The following ARHGEF3 variants were observed in gnomAD, a reference collection of about 807,000 sequenced individuals.
ARHGEF3 encodes Rho guanine nucleotide exchange factor 3, also known as 59.8 kDA protein.
In ARHGEF3, 28 loss-of-function variants were observed where a neutral mutation model predicts 63.2. That is an observed-to-expected ratio of 0.44 (90% confidence interval 0.33 to 0.61). The LOEUF is 0.61. ARHGEF3 is among the 20% of genes least tolerant of loss of function. The pLI is 0.03. For synonymous variants in ARHGEF3, 266 were observed against 254.2 expected (o/e 1.05, Z -0.44); for missense variants, 533 against 659.3 (o/e 0.81, Z 2.10).
intron 3 of ARHGEF3, among the ~76,000 whole-genome samples, chr3:56,886,852 G>C (rs950155): frequency 0.36 from 54,678 of 151,986 alleles, 10,328 homozygotes; most frequent in Non-Finnish European, 0.42. Flanking sequence ...TTCATGATTA[G>C]CAAGTGGCAG....
chr3:56,810,588 T>A (rs1453162304), intron 4 of ARHGEF3, among the ~76,000 whole-genome samples: 2 of 152,162 alleles, frequency 1.3e-5, no homozygotes, highest in African/African-American at 4.8e-5. Context: ...TGATCAATTG[T>A]AAGACCCTTG....
chr3:57,023,247 G>T (rs930608400), intron 2 of ARHGEF3, among the ~76,000 whole-genome samples: 4 of 152,180 alleles, frequency 2.6e-5, no homozygotes, highest in African/African-American at 9.7e-5. Context: ...TTTATAGGTG[G>T]ATGGATGGAT....
chr3:56,834,700 G>A (rs1446442278), intron 4 of ARHGEF3, among the ~76,000 whole-genome samples: 2 of 148,564 alleles, frequency 1.3e-5, no homozygotes, highest in Non-Finnish European at 3.0e-5. Flanking sequence ...AGCTGAGATT[G>A]TGCCATTGCA....
In ARHGEF3 at chr3:56,838,493, TACAC is replaced by T. The variant is rs570705252; in HGVS notation, c.192+43795_192+43798del. On this transcript the variant is annotated intron_variant, in intron 4 of 12. Coordinates refer to the ARHGEF3 transcript ENST00000338458. ...AAAGGCTTTTTAAAAAGTCATAAAA[TACAC>T]ACAGTAATGTTCTCCATGTGCCTCA... Among the ~76,000 whole-genome samples the T allele has an allele frequency of 2.6e-3, 389 of 152,296 alleles. 2 individuals carry two copies. Among genetic ancestry groups the T allele is most frequent in the African/African-American group, 8.8e-3 (365 of 41,560 alleles).
chr3:56,762,953 T>G (rs1334389840), intron 2 of ARHGEF3, among the ~76,000 whole-genome samples: 1 of 152,162 alleles, frequency 6.6e-6, no homozygotes, highest in African/African-American at 2.4e-5. Context: ...TTGACCCTCA[T>G]GCTAATCCTA....
intron 1 of ARHGEF3, among the ~76,000 whole-genome samples, chr3:56,785,668 T>G (rs984796): frequency 0.35 from 52,845 of 151,988 alleles, 10,113 homozygotes; most frequent in Middle Eastern, 0.6. Context: ...GAAAAAGAAG[T>G]AGGGAGATGA....
intron 2 of ARHGEF3, among the ~76,000 whole-genome samples, chr3:57,022,790 A>T (rs1429461374): frequency 6.6e-6 from 1 of 152,062 alleles, no homozygotes; most frequent in Non-Finnish European, 1.5e-5. Context: ...CATGACTCGC[A>T]GTAGCAGGCT....
upstream of ARHGEF3, among the ~76,000 whole-genome samples, chr3:56,804,267 A>C (rs1394495241): frequency 6.6e-6 from 1 of 152,220 alleles, no homozygotes; most frequent in East Asian, 1.9e-4. Context: ...TCATGACTAC[A>C]TCAGGTGGTG....
chr3:57,022,849 T>A (rs1050638218), intron 2 of ARHGEF3, among the ~76,000 whole-genome samples: 4 of 152,214 alleles, frequency 2.6e-5, no homozygotes, highest in African/African-American at 7.2e-5. Context: ...ACATCTGTAC[T>A]GACCTGAATG....
At chr3:56,751,916 T>G (rs1035374225) in intron 4 of ARHGEF3, among the ~76,000 whole-genome samples, 2 of 152,160 alleles carry the variant, frequency 1.3e-5, no homozygotes, top group African/African-American at 2.4e-5. Context: ...AATACACAGT[T>G]ATACCCAGGG....
intron 4 of ARHGEF3, 109 bp from the exon 5 acceptor site, chr3:56,751,505 C>G (rs2034742352): frequency 7.1e-6 from 6 of 842,922 alleles, no homozygotes; most frequent in Admixed American, 2.2e-5. Context: ...ACTTCTGGCT[C>G]TCTAACAACT....
At chr3:56,958,671 A>C (rs1700150535) in intron 3 of ARHGEF3, among the ~76,000 whole-genome samples, 1 of 152,208 alleles carries the variant, frequency 6.6e-6, no homozygotes, top group African/African-American at 2.4e-5. Context: ...CCACTGATTC[A>C]AGTGTGACTT....
Position 56,926,991 on chromosome 3 carries a change from G to A in ARHGEF3, c.129+31832C>T, listed in dbSNP as rs540921486. 3.9e-5 allele frequency among the ~76,000 whole-genome samples: 6 copies of A among 152,270 alleles called. No homozygotes were observed. In the East Asian group the frequency reaches 5.8e-4, roughly 15 times the overall value. On this transcript the variant is annotated intron_variant, in intron 3 of 12. Transcript: ENST00000338458. ...GAGGTCTGGAAATGCCAAGCCAGCC[G>A]GGGTGGTGAGGGCATAGCAACCAGA...
At chr3:56,968,256 TATTTAAATATATA>T (rs1189687369) in intron 2 of ARHGEF3, among the ~76,000 whole-genome samples, 4,134 of 42,718 alleles carry the variant, frequency 0.097, 482 homozygotes, top group Non-Finnish European at 0.14. Context: ...TAATATATAA[TATTTAAATATATA>T]ATATATAAAA....
chr3:57,042,944 T>C (rs1704290387), intron 1 of ARHGEF3, among the ~76,000 whole-genome samples: 1 of 150,744 alleles, frequency 6.6e-6, no homozygotes, highest in Non-Finnish European at 1.5e-5. Context: ...TGATCTGCCC[T>C]CCTCAGCCTC....
chr3:56,737,367 A>G lies in ARHGEF3; in HGVS notation c.871-12T>C. 6 of 1,604,168 alleles carry G rather than the reference A, an allele frequency of 3.7e-6. No individual in the cohort carries two copies. The highest frequency in any genetic ancestry group is 4.3e-6 in the Non-Finnish European group (5 of 1,172,868). On this transcript the variant is annotated splice_polypyrimidine_tract_variant and intron_variant, in intron 7 of 9. Transcript: ENST00000296315. ...TGAATGATATTTATCTATGAAAACA[A>G]AGAGGAAAATTAAGTATGGAGGAAA...
intron 4 of ARHGEF3, among the ~76,000 whole-genome samples, chr3:56,808,572 AGAGT>A (rs1199541240): frequency 6.6e-6 from 1 of 152,242 alleles, no homozygotes; most frequent in Non-Finnish European, 1.5e-5. Context: ...CCTAGGCAAC[AGAGT>A]GAGAACCTGT....
At chr3:56,906,975 AT>A (rs368006965) in intron 3 of ARHGEF3, among the ~76,000 whole-genome samples, 901 of 72,336 alleles carry the variant, frequency 0.012, 5 homozygotes, top group African/African-American at 0.041. Flanking sequence ...CTCACATTCT[AT>A]TTTTTTTTTT....
chr3:57,073,989 A>C, intron 1 of ARHGEF3: 1 of 1,614,236 alleles, frequency 6.2e-7, no homozygotes, highest in Non-Finnish European at 8.5e-7. Flanking sequence ...TGTATCCCAA[A>C]TAAATCTTCT....
Sources: allele counts gnomAD v4.1 joint callset (sites outside exome capture counted in the v4.1 genomes callset), GRCh38; gene constraint gnomAD v4.1.1; transcripts MANE v1.5; gene names NCBI Gene and HGNC (gene_info 2026-07-23, HGNC 2026-07-21).